Variants in TMEM126B observed in about 807,000 individuals in gnomAD.
The protein encoded by TMEM126B is transmembrane protein 126B, also known as complex I assembly factor TMEM126B, mitochondrial.
Under a neutral mutation model 16.5 loss-of-function variants are expected in TMEM126B, and 19 were observed. That is an observed-to-expected ratio of 1.15 (90% CI 0.80 to 1.69). The LOEUF is 1.69. TMEM126B is among the 40% of genes most tolerant of loss of function. The pLI is 0.00. For synonymous variants in TMEM126B, 104 were observed against 93.2 expected, an observed-to-expected ratio of 1.12 and a Z score of -0.67; for missense variants, 293 against 278.7, an observed-to-expected ratio of 1.05 and a Z score of -0.37.
chr11:85,631,115 G>A, intron 1 of TMEM126B: 1 of 1,288,476 alleles, frequency 7.8e-7, no homozygotes, highest in Non-Finnish European at 1.0e-6. Flanking sequence ...TATTCTCCAA[G>A]GCAATCCCTG....
At chr11:85,635,845 A>G in intron 4 of TMEM126B, 67 bp downstream of exon 4, 3 of 1,028,374 alleles carry the variant, frequency 2.9e-6, no homozygotes, top group Non-Finnish European at 4.1e-6. Context: ...TTTTTAGGTT[A>G]ATAAACTCTC....
intron 3 of TMEM126B, chr11:85,634,904 C>T (rs1343542452): frequency 2.6e-5 from 4 of 152,268 alleles, no homozygotes; most frequent in Non-Finnish European, 5.9e-5. Context: ...TGGATACATT[C>T]TCTATATAGT....
At chr11:85,630,006 C>T (rs1212967093) in intron 1 of TMEM126B, among the ~76,000 whole-genome samples, 1 of 152,196 alleles carries the variant, frequency 6.6e-6, no homozygotes, top group Non-Finnish European at 1.5e-5. Context: ...CTCATACCTT[C>T]TGTATGTTGA....
chr11:85,629,349 C>A, intron 1 of TMEM126B: 1 of 838,520 alleles, frequency 1.2e-6, no homozygotes. Flanking sequence ...GATTTGCAAA[C>A]TATAAACCTA....
At position 85,631,891 on chromosome 11, in the gene TMEM126B, T is replaced by C; in HGVS notation, c.203+83T>C. ...CCATTGTTTCTAAGATCCTATTCTT[T>C]CTTACCTTTTCTGTTATCTAAGATC... On this transcript the variant is annotated intron_variant, in intron 2 of 4. Transcript: ENST00000358867. 4 of 1,384,620 alleles carry C rather than the reference T, an allele frequency of 2.9e-6. No homozygotes were observed. The South Asian group carries it at 5.9e-5, about 20-fold the overall frequency. 85.8% of individuals were successfully genotyped at this position (1,384,620 alleles called of 1,614,324 possible).
At chr11:85,631,441 AT>A (rs1565790726) in intron 1 of TMEM126B, 1 of 864,084 alleles carries the variant, frequency 1.2e-6, no homozygotes, top group Non-Finnish European at 1.6e-6. Context: ...CAGAAAGCCA[AT>A]GTCTGTATTG....
chr11:85,635,251 A>T (rs2082376507), intron 3 of TMEM126B, among the ~76,000 whole-genome samples: 1 of 152,118 alleles, frequency 6.6e-6, no homozygotes, highest in African/African-American at 2.4e-5. Context: ...AGTCTCTACT[A>T]AAAATAGAAA....
chr11:85,629,325 C>CA, intron 1 of TMEM126B: 1 of 1,045,068 alleles, frequency 9.6e-7, no homozygotes, highest in Non-Finnish European at 1.3e-6. Flanking sequence ...GAAAGCACTA[C>CA]AAAACCGTTA....
chr11:85,633,807 A>G (rs2082349160), intron 2 of TMEM126B, among the ~76,000 whole-genome samples: 1 of 152,182 alleles, frequency 6.6e-6, no homozygotes, highest in Non-Finnish European at 1.5e-5. Context: ...TTTGTGGCCA[A>G]AATTATTTAA....
Position 85,636,404 on chromosome 11 carries a change from C to T in TMEM126B, c.*175C>T, listed in dbSNP as rs991493253. 5 of 412,462 alleles carry T rather than the reference C, an allele frequency of 1.2e-5. No individual in the cohort carries two copies. The Admixed American group carries it at 1.7e-4, about 14-fold the overall frequency. The allele number at this position is 412,462 out of a possible 1,614,324, so 25.6% of individuals were successfully genotyped here. On this transcript the variant is annotated 3_prime_UTR_variant, in exon 5 of 5. Coordinates refer to ENST00000358867, the MANE Select transcript of TMEM126B (RefSeq NM_018480.7). ...TAATTCAATCAATAAATATAAGTTT[C>T]ATCTTACACGTAAGATACAGGTCTT...
At chr11:85,635,821 C>CTTTTTTTTTTTTTTTTTTTTGGT (rs58671332) in intron 4 of TMEM126B, 43 bp downstream of exon 4, 1 of 775,984 alleles carries the variant, frequency 1.3e-6, no homozygotes, top group South Asian at 2.5e-5. Context: ...CTTTTCTTTT[C>CTTTTTTTTTTTTTTTTTTTTGGT]TTTTTTTTTT....
Position 85,636,458 on chromosome 11 carries a change from G to C in TMEM126B, c.*229G>C, listed in dbSNP as rs1482305222. ...TCCTGATGGTGTGTCCATTTTGCCT[G>C]GTATATAACAGATAATAAATATCCA... On this transcript the variant is annotated 3_prime_UTR_variant, in exon 5 of 5. Coordinates refer to ENST00000358867, the MANE Select transcript of TMEM126B (RefSeq NM_018480.7). 1 of 277,036 alleles carries C rather than the reference G, an allele frequency of 3.6e-6. No individual in the cohort carries two copies. The highest frequency in any genetic ancestry group is 2.2e-5 in the African/African-American group (1 of 46,004). 17.2% of individuals were successfully genotyped at this position (277,036 alleles called of 1,614,324 possible). A position where few individuals can be genotyped will look rare whatever the true frequency, so the allele number is the denominator to read the frequency against.
At chr11:85,635,821 C>CTTTTTTT (rs58671332) in intron 4 of TMEM126B, 43 bp downstream of exon 4, 86 of 869,482 alleles carry the variant, frequency 9.9e-5, no homozygotes, top group South Asian at 5.7e-4. Flanking sequence ...CTTTTCTTTT[C>CTTTTTTT]TTTTTTTTTT....
Position 85,634,097 on chromosome 11 carries a change from T to C in TMEM126B, c.215T>C (p.Ile72Thr), listed in dbSNP as rs750984406. The C allele has an allele frequency of 3.1e-6, 5 of 1,612,750 alleles. No individual in the cohort carries two copies. The African/African-American group carries it at 6.7e-5, about 22-fold the overall frequency. The change falls in exon 3 of 5, where the codon ATA becomes ACA. Residue 72 changes from isoleucine to threonine, a missense_variant. Transcript: ENST00000358867. ...TTTTTTTCTATTAGGACACAAAATATATATCAAATGGCGACATTTGGAACA... is the reference window on the plus strand; with the variant it reads ...TTTTTTTCTATTAGGACACAAAATACATATCAAATGGCGACATTTGGAACA... ...DYLRKEMTQN[I>T]YQMATFGTTA... is the part of the protein sequence containing the mutation.
At chr11:85,629,144 GA>G in intron 1 of TMEM126B, 1 of 1,059,856 alleles carries the variant, frequency 9.4e-7, no homozygotes, top group South Asian at 1.3e-5. Flanking sequence ...TTTTTGTTCT[GA>G]ACTCCCACTG....
chr11:85,628,688 G>A lies in TMEM126B; in HGVS notation c.81G>A (p.Lys27=), dbSNP rs2082144468. The change falls in exon 1 of 5, where the codon AAG becomes AAA. Residue 27 remains lysine, a splice_region_variant and synonymous_variant. Transcript: ENST00000358867. ...VVPVGTEEAP[K]VFKMAASMHG... ...CGGTGGGAACTGAGGAAGCGCCCAA[G>A]GTAGGCGGAAATCCGAAGTGGTATG... The A allele has an allele frequency of 6.5e-7, 1 of 1,536,054 alleles. No homozygotes were observed. The highest frequency in any genetic ancestry group is 1.4e-5 in the African/African-American group (1 of 73,058).
intron 1 of TMEM126B, chr11:85,631,280 C>G: frequency 7.9e-7 from 1 of 1,270,740 alleles, no homozygotes; most frequent in African/African-American, 1.5e-5. Flanking sequence ...TGACTGCCTT[C>G]TCGGAATGAG....
chr11:85,636,494 A>G lies in TMEM126B; in HGVS notation c.*265A>G, dbSNP rs942691193. ...GATAATAAATATCCAGTGTCAATAA[A>G]TGTAACAATAAAAGTTTCATCTTTC... On this transcript the variant is annotated 3_prime_UTR_variant, in exon 5 of 5. Coordinates refer to ENST00000358867, the MANE Select transcript of TMEM126B (RefSeq NM_018480.7). 13 of 213,198 alleles carry G rather than the reference A, an allele frequency of 6.1e-5. No individual in the cohort carries two copies. The highest frequency in any genetic ancestry group is 2.9e-4 in the African/African-American group (13 of 44,134). 13.2% of individuals were successfully genotyped at this position (213,198 alleles called of 1,614,324 possible).
chr11:85,635,860 TTCTTTAGCTG>T, intron 4 of TMEM126B, 82 bp downstream of exon 4: 3 of 1,073,462 alleles, frequency 2.8e-6, no homozygotes, highest in Non-Finnish European at 3.9e-6. Context: ...ACTCTCTTTC[TTCTTTAGCTG>T]TCTATGATAT....
Sources: gnomAD v4.1 joint callset for allele counts (sites outside exome capture counted in the v4.1 genomes callset) on GRCh38, gnomAD v4.1.1 for gene constraint, MANE v1.5 for transcripts, NCBI Gene and HGNC (gene_info 2026-07-23, HGNC 2026-07-21) for gene names.